Variants in GLIS3 observed in about 807,000 individuals in gnomAD.
GLIS3 encodes the protein zinc finger protein GLIS3.
A neutral mutation model predicts 78.6 loss-of-function variants in GLIS3; 53 were observed. The ratio of observed to expected loss-of-function variants is 0.67; its 90% CI spans 0.54 to 0.85. The LOEUF is 0.85. GLIS3 is among the 40% of genes least tolerant of loss of function. The pLI, the probability that GLIS3 is intolerant of heterozygous loss-of-function variation, is 0.00. For missense variants in GLIS3, 1,703 were observed against 1,231.1 expected, an observed-to-expected ratio of 1.38 and a Z score of -5.74; for synonymous variants, 684 against 509.9, an observed-to-expected ratio of 1.34 and a Z score of -4.60.
At chr9:4,101,026 G>C (rs1034304197) in intron 4 of GLIS3, among the ~76,000 whole-genome samples, 1 of 152,180 alleles carries the variant, frequency 6.6e-6, no homozygotes, top group Non-Finnish European at 1.5e-5. Context: ...AGTATGAAAT[G>C]AAGGAAACAT....
In GLIS3 at chr9:4,068,282, G is replaced by C. The variant is rs143049204; in HGVS notation, c.1710+49486C>G. ...ATCAAATCCTAAAACTTCAGCGCAA[G>C]AAAGTTATAGAAAAGGTGCCACATT... On this transcript the variant is annotated intron_variant, in intron 4 of 10. Transcript: ENST00000381971. 5.8e-3 allele frequency among the ~76,000 whole-genome samples: 879 copies of C among 151,772 alleles called. 3 individuals carry two copies. Among genetic ancestry groups the C allele is most frequent in the Non-Finnish European group, 0.01 (708 of 67,868 alleles).
chr9:3,962,948 G>A (rs796299518), intron 4 of GLIS3, among the ~76,000 whole-genome samples: 2 of 57,760 alleles, frequency 3.5e-5, no homozygotes, highest in East Asian at 2.6e-4. Flanking sequence ...GTGATTTAAG[G>A]GGGGGGGGGG....
the GLIS3 span, among the ~76,000 whole-genome samples, chr9:4,432,905 C>T: frequency 6.6e-6 from 1 of 152,088 alleles, no homozygotes; most frequent in Admixed American, 6.6e-5. Flanking sequence ...CCTCCCATCC[C>T]TCCCTGTGCT....
At chr9:4,035,007 C>A (rs186975817) in intron 4 of GLIS3, 1 of 152,078 alleles carries the variant, frequency 6.6e-6, no homozygotes, top group African/African-American at 2.4e-5. Context: ...AGCCAGGACA[C>A]GGAGTTTCTG....
intron 4 of GLIS3, among the ~76,000 whole-genome samples, chr9:4,098,198 C>A (rs1288590791): frequency 6.6e-6 from 1 of 152,170 alleles, no homozygotes; most frequent in South Asian, 2.1e-4. Flanking sequence ...CTTTGTAACA[C>A]GTTCTTACTT....
intron 2 of GLIS3, among the ~76,000 whole-genome samples, chr9:4,131,780 GGTT>G (rs1832991316): frequency 6.6e-6 from 1 of 152,018 alleles, no homozygotes; most frequent in African/African-American, 2.4e-5. Context: ...AACCTCATAA[GGTT>G]GTTGTGCATC....
rs369669931 is a variant in GLIS3, at chr9:4,066,037, T to A, written c.1710+51731A>T. Among the ~76,000 whole-genome samples the A allele has an allele frequency of 4.5e-3, 427 of 95,318 alleles. 1 individual carries two copies. The highest frequency in any genetic ancestry group is 6.5e-3 in the East Asian group (21 of 3,216). The allele number at this position is 95,318 out of a possible 152,430, so 62.5% of individuals were successfully genotyped here. A position where few individuals can be genotyped will look rare whatever the true frequency, so the allele number is the denominator to read the frequency against. On this transcript the variant is annotated intron_variant, in intron 4 of 10. Transcript: ENST00000381971. ...CATCTCATTAAAATGACCCAAAGAA[T>A]ATAAAAAAAAAAAAAAAGAAACAGG...
At chr9:4,270,539 C>T (rs558314945) in intron 2 of GLIS3, among the ~76,000 whole-genome samples, 1 of 152,172 alleles carries the variant, frequency 6.6e-6, no homozygotes, top group Non-Finnish European at 1.5e-5. Context: ...AATGCAGTTT[C>T]TCAAAGGTGG....
intron 2 of GLIS3, among the ~76,000 whole-genome samples, chr9:4,182,274 C>T (rs972696454): frequency 6.6e-6 from 1 of 152,010 alleles, no homozygotes; most frequent in African/African-American, 2.4e-5. Flanking sequence ...AATGTGAATC[C>T]CTTCAGATGG....
chr9:4,111,341 C>T (rs147738503), intron 4 of GLIS3, among the ~76,000 whole-genome samples: 4,540 of 152,246 alleles, frequency 0.03, 92 homozygotes, highest in Non-Finnish European at 0.043. Context: ...GTTTTTCATT[C>T]ATCCTAGAAT....
chr9:4,383,519 A>T, the GLIS3 span, among the ~76,000 whole-genome samples: 1 of 152,224 alleles, frequency 6.6e-6, no homozygotes, highest in African/African-American at 2.4e-5. Flanking sequence ...TCTAATTACT[A>T]ACAAATTAAG....
At chr9:4,090,619 G>A (rs1320753988) in intron 4 of GLIS3, among the ~76,000 whole-genome samples, 6 of 152,166 alleles carry the variant, frequency 3.9e-5, no homozygotes, top group Non-Finnish European at 1.5e-5. Context: ...TGGCATTCAG[G>A]GCAAGGACAC....
At chr9:3,866,855 TG>T (rs755858071) in intron 8 of GLIS3, among the ~76,000 whole-genome samples, 173 of 152,108 alleles carry the variant, frequency 1.1e-3, no homozygotes, top group Non-Finnish European at 1.6e-3. Flanking sequence ...AGCAGTGCCA[TG>T]TGTGAGCTGG....
chr9:4,332,425 A>C (rs368458520), intron 2 of GLIS3, among the ~76,000 whole-genome samples: 2 of 152,218 alleles, frequency 1.3e-5, no homozygotes, highest in Non-Finnish European at 2.9e-5. Context: ...TGCCTTCCTT[A>C]TAGCTGAGTA....
the GLIS3 span, among the ~76,000 whole-genome samples, chr9:4,402,843 TGA>T: frequency 6.6e-6 from 1 of 152,028 alleles, no homozygotes; most frequent in Non-Finnish European, 1.5e-5. Flanking sequence ...CTCACAAATA[TGA>T]GAGTTATTGG....
the GLIS3 span, among the ~76,000 whole-genome samples, chr9:4,396,247 G>C: frequency 9.9e-5 from 15 of 152,166 alleles, 1 homozygote; most frequent in South Asian, 3.1e-3. Flanking sequence ...CAAGTAGCTG[G>C]GATTACAGGC....
intron 9 of GLIS3, among the ~76,000 whole-genome samples, chr9:3,830,622 A>C (rs1340241454): frequency 2.0e-5 from 3 of 152,206 alleles, no homozygotes; most frequent in Admixed American, 6.5e-5. Flanking sequence ...AAAGGGATTA[A>C]TAGAGGAAGT....
rs1176676287 is a variant in GLIS3 at position 4,163,749 on chromosome 9, T to C, written c.389-37808A>G. Among the ~76,000 whole-genome samples the C allele has an allele frequency of 2.6e-5, 4 of 152,242 alleles. No individual in the cohort carries two copies. In the East Asian group the frequency reaches 7.7e-4, roughly 29 times the overall value. On this transcript the variant is annotated intron_variant, in intron 2 of 10. Transcript: ENST00000381971. ...AGTATTTAGTATCTCACAGGATTCTTGAGAAAATTAGGTATGCTCAGAATT... is the reference window on the plus strand; with the variant it reads ...AGTATTTAGTATCTCACAGGATTCTCGAGAAAATTAGGTATGCTCAGAATT...
At chr9:3,953,333 G>A (rs1333833364) in intron 4 of GLIS3, among the ~76,000 whole-genome samples, 1 of 152,194 alleles carries the variant, frequency 6.6e-6, no homozygotes, top group Non-Finnish European at 1.5e-5. Context: ...ATAATATACA[G>A]AAGGTCCCCT....
Sources: allele counts gnomAD v4.1 joint callset (sites outside exome capture counted in the v4.1 genomes callset), GRCh38; gene constraint gnomAD v4.1.1; transcripts MANE v1.5; gene names NCBI Gene and HGNC (gene_info 2026-07-23, HGNC 2026-07-21).